TMEM117: variants seen among roughly 807,000 people sequenced by gnomAD.
TMEM117 encodes transmembrane protein 117.
Under a neutral mutation model 52.4 loss-of-function variants are expected in TMEM117, and 27 were observed. The observed-to-expected ratio is 0.51, with a 90% CI of 0.38 to 0.71. TMEM117 has a LOEUF of 0.71. Among genes scored for constraint, TMEM117 ranks in the 30% least tolerant of loss-of-function variants. TMEM117 has a pLI of 0.00. For synonymous variants in TMEM117, 215 were observed against 206.3 expected, an observed-to-expected ratio of 1.04 and a Z score of -0.36; for missense variants, 556 against 630.5, an observed-to-expected ratio of 0.88 and a Z score of 1.26.
intron 3 of TMEM117, among the ~76,000 whole-genome samples, chr12:44,067,078 A>G (rs150417592): frequency 5.3e-5 from 8 of 151,974 alleles, no homozygotes; most frequent in African/African-American, 1.9e-4. Context: ...TTGCTCATTT[A>G]TAAGAAGCAA....
At chr12:43,983,062 T>C (rs1945787169) in intron 3 of TMEM117, among the ~76,000 whole-genome samples, 1 of 152,224 alleles carries the variant, frequency 6.6e-6, no homozygotes, top group Non-Finnish European at 1.5e-5. Flanking sequence ...ATTTGATTGC[T>C]GATCTGTGGG....
intron 3 of TMEM117, among the ~76,000 whole-genome samples, chr12:43,947,845 G>A (rs1393952269): frequency 6.6e-6 from 1 of 152,170 alleles, no homozygotes; most frequent in Non-Finnish European, 1.5e-5. Flanking sequence ...TTCAGGACTA[G>A]AATGAATGGT....
At chr12:43,916,022 A>ATGG (rs1944597365) in intron 2 of TMEM117, among the ~76,000 whole-genome samples, 1 of 152,040 alleles carries the variant, frequency 6.6e-6, no homozygotes, top group African/African-American at 2.4e-5. Flanking sequence ...GGAGAGGGTG[A>ATGG]TGGTTGGGCA....
chr12:44,192,290 G>A (rs1049637519), intron 4 of TMEM117, among the ~76,000 whole-genome samples: 1 of 152,116 alleles, frequency 6.6e-6, no homozygotes, highest in African/African-American at 2.4e-5. Flanking sequence ...TGTGATTCCT[G>A]TTCTGATTGC....
chr12:43,983,515 G>A (rs1253222398), intron 3 of TMEM117, among the ~76,000 whole-genome samples: 2 of 143,570 alleles, frequency 1.4e-5, no homozygotes, highest in African/African-American at 5.1e-5. Flanking sequence ...ATTACTTCCA[G>A]TGGCAAAAAC....
At chr12:44,326,221 A>G (rs1951193860) in intron 6 of TMEM117, among the ~76,000 whole-genome samples, 1 of 152,180 alleles carries the variant, frequency 6.6e-6, no homozygotes, top group African/African-American at 2.4e-5. Context: ...TAAAAAAAAG[A>G]ACCCTGGCTT....
At chr12:43,917,230 C>CAAA (rs10602069) in intron 2 of TMEM117, among the ~76,000 whole-genome samples, 1 of 102,154 alleles carries the variant, frequency 9.8e-6, no homozygotes, top group African/African-American at 3.1e-5. Context: ...CTCATCTCTA[C>CAAA]AAAAAAAAAA....
chr12:44,300,100 A>T (rs910119873), intron 6 of TMEM117, among the ~76,000 whole-genome samples: 12 of 152,202 alleles, frequency 7.9e-5, no homozygotes, highest in African/African-American at 2.7e-4. Context: ...GATTATATAA[A>T]AGCAGCAAAG....
chr12:43,987,993 G>T (rs571014438), intron 3 of TMEM117, among the ~76,000 whole-genome samples: 4 of 152,144 alleles, frequency 2.6e-5, no homozygotes, highest in African/African-American at 9.6e-5. Flanking sequence ...GTTTCAATTT[G>T]TCAGGGTATT....
intron 3 of TMEM117, among the ~76,000 whole-genome samples, chr12:44,127,139 A>G (rs1327108748): frequency 2.0e-5 from 3 of 152,148 alleles, no homozygotes; most frequent in Non-Finnish European, 2.9e-5. Context: ...ATTTTACAGG[A>G]TTTCTGTGTT....
chr12:43,980,461 A>G (rs1044641018), intron 3 of TMEM117, among the ~76,000 whole-genome samples: 10 of 152,196 alleles, frequency 6.6e-5, no homozygotes, highest in African/African-American at 2.2e-4. Flanking sequence ...AATTGAGCCT[A>G]TGAAACTGAG....
intron 3 of TMEM117, among the ~76,000 whole-genome samples, chr12:44,005,868 A>G (rs1350236162): frequency 6.6e-6 from 1 of 152,174 alleles, no homozygotes; most frequent in Admixed American, 6.6e-5. Context: ...GGGGGAGTTT[A>G]CCCTGTACAA....
At chr12:44,214,680 T>C (rs1385311480) in intron 5 of TMEM117, among the ~76,000 whole-genome samples, 1 of 152,202 alleles carries the variant, frequency 6.6e-6, no homozygotes, top group African/African-American at 2.4e-5. Flanking sequence ...TTGTTTTCAC[T>C]GTTATATTTC....
chr12:44,011,174 GA>G (rs1268555412), intron 3 of TMEM117, among the ~76,000 whole-genome samples: 1 of 151,768 alleles, frequency 6.6e-6, no homozygotes, highest in African/African-American at 2.4e-5. Context: ...TTTTTTTCTA[GA>G]AAAAAGAGTT....
chr12:43,857,954 G>A (rs1408365314), intron 2 of TMEM117, among the ~76,000 whole-genome samples: 1 of 152,200 alleles, frequency 6.6e-6, no homozygotes, highest in Non-Finnish European at 1.5e-5. Context: ...GCCCTGCACG[G>A]TTCTGGATAG....
intron 4 of TMEM117, among the ~76,000 whole-genome samples, chr12:44,184,367 G>T (rs953434499): frequency 6.6e-6 from 1 of 152,188 alleles, no homozygotes; most frequent in African/African-American, 2.4e-5. Context: ...AAATAAAAAA[G>T]TAGAGAAATT....
At chr12:43,849,883 G>C (rs1441168630) in intron 2 of TMEM117, among the ~76,000 whole-genome samples, 2 of 152,046 alleles carry the variant, frequency 1.3e-5, no homozygotes, top group African/African-American at 2.4e-5. Context: ...TTCTGTCTCT[G>C]CTCATGGCAG....
At chr12:44,348,960 A>G (rs1455316306) in intron 6 of TMEM117, among the ~76,000 whole-genome samples, 1 of 151,916 alleles carries the variant, frequency 6.6e-6, no homozygotes, top group East Asian at 1.9e-4. Flanking sequence ...CTTAGCCTGT[A>G]TCTCCAGGCT....
intron 6 of TMEM117, among the ~76,000 whole-genome samples, chr12:44,312,601 A>C (rs1951004744): frequency 6.6e-6 from 1 of 152,088 alleles, no homozygotes; most frequent in Non-Finnish European, 1.5e-5. Flanking sequence ...TGGTGATGGA[A>C]TGATTTATTT....
Sources: gnomAD v4.1 joint callset for allele counts (sites outside exome capture counted in the v4.1 genomes callset) on GRCh38, gnomAD v4.1.1 for gene constraint, MANE v1.5 for transcripts, NCBI Gene and HGNC (gene_info 2026-07-23, HGNC 2026-07-21) for gene names.